The following ADAMTS20 variants were observed in gnomAD, a reference collection of about 807,000 sequenced individuals.
ADAMTS20 encodes ADAM metallopeptidase with thrombospondin type 1 motif 20, also known as A disintegrin and metalloproteinase with thrombospondin motifs 20.
A neutral mutation model predicts 260.1 loss-of-function variants in ADAMTS20; 225 were observed. The ratio of observed to expected loss-of-function variants is 0.87; its 90% CI spans 0.78 to 0.97. The LOEUF (loss-of-function observed/expected upper bound fraction) is 0.97. Among genes scored for constraint, ADAMTS20 ranks in the 50% least tolerant of loss-of-function variants. The pLI, the probability that ADAMTS20 is intolerant of heterozygous loss-of-function variation, is 0.00. For missense variants in ADAMTS20, 2,400 were observed against 2,337.7 expected (o/e 1.03, Z -0.55); for synonymous variants, 802 against 769.5 (o/e 1.04, Z -0.70).
Position 43,427,397 on chromosome 12 carries a change from T to G in ADAMTS20, c.4018A>C (p.Ser1340Arg). The change falls in exon 27 of 39, where the codon AGT (serine) becomes CGT (arginine). Residue 1340 changes from serine (S) to arginine (R), a missense_variant. Coordinates refer to ENST00000389420, the MANE Select transcript of ADAMTS20 (RefSeq NM_025003.5). ...GGCTTGGAGGCTGCATCGCAGTAAC[T>G]AGCACTTTGTCCATTTTCATCCTGG... ...VCQDENGQSASYCDAASKPPE... is the reference protein window; with the variant it reads ...VCQDENGQSARYCDAASKPPE... The G allele has an allele frequency of 1.2e-6, 2 of 1,613,972 alleles. No homozygotes were observed. Among genetic ancestry groups the G allele is most frequent in the Non-Finnish European group, 1.7e-6 (2 of 1,179,866 alleles).
chr12:43,452,921 A>T (rs972926603), intron 12 of ADAMTS20, among the ~76,000 whole-genome samples: 3 of 152,154 alleles, frequency 2.0e-5, no homozygotes, highest in Non-Finnish European at 4.4e-5. Flanking sequence ...ACGATACCTT[A>T]TTCTTGACTA....
intron 11 of ADAMTS20, among the ~76,000 whole-genome samples, 169 bp downstream of exon 11, chr12:43,462,726 A>C (rs1222042007): frequency 6.6e-6 from 1 of 152,246 alleles, no homozygotes; most frequent in Non-Finnish European, 1.5e-5. Context: ...GGTAAAATTA[A>C]AGATTTAATT....
rs529814997 is a variant in ADAMTS20 at position 43,463,662 on chromosome 12, T to C, written c.1510-663A>G. Among the ~76,000 whole-genome samples the C allele has an allele frequency of 3.9e-5, 6 of 152,324 alleles. No individual in the cohort carries two copies. In the South Asian group the frequency reaches 1.0e-3, roughly 26 times the overall value. ...TTCACAGTAAATGTTTAAAGGCTTA[T>C]TGAAATTTAAGGTTTTAGGAAGAAT... On this transcript the variant is annotated intron_variant, in intron 10 of 38. Transcript: ENST00000389420.
chr12:43,370,464 G>A (rs1940083109), intron 36 of ADAMTS20, among the ~76,000 whole-genome samples: 1 of 152,186 alleles, frequency 6.6e-6, no homozygotes, highest in African/African-American at 2.4e-5. Flanking sequence ...TGTGGCATTT[G>A]TGGATTATGC....
chr12:43,538,648 G>A (rs1044874468), intron 2 of ADAMTS20, among the ~76,000 whole-genome samples: 2 of 152,122 alleles, frequency 1.3e-5, no homozygotes, highest in Non-Finnish European at 2.9e-5. Context: ...TTAATAGTTT[G>A]AAGTAACATA....
Position 43,383,585 on chromosome 12 carries a change from GT to G in ADAMTS20, c.4769del (p.Tyr1590SerfsTer4). On this transcript the variant is annotated frameshift_variant, in exon 31 of 39. Coordinates refer to ENST00000389420, the MANE Select transcript of ADAMTS20 (RefSeq NM_025003.5). LOFTEE classifies it high-confidence loss of function. The stretch of plus-strand genomic sequence containing the variant: ...GTGATGAGTCTGCTGTTACCACAAT[GT>G]AATTGCAAGGAGGGTTCCTGCAATT... ...SKNCRNPPCN[Y>X]IVVTADSSQC... 6.2e-7 allele frequency: 1 copy of G among 1,613,102 alleles called. No individual in the cohort carries two copies. Among genetic ancestry groups the G allele is most frequent in the Non-Finnish European group, 8.5e-7 (1 of 1,179,446 alleles).
intron 7 of ADAMTS20, among the ~76,000 whole-genome samples, chr12:43,478,707 A>T (rs1942396959): frequency 6.6e-6 from 1 of 152,204 alleles, no homozygotes; most frequent in South Asian, 2.1e-4. Context: ...CAACACAATC[A>T]TATATTCAAG....
chr12:43,427,342 G>A lies in ADAMTS20; in HGVS notation c.4073C>T (p.Pro1358Leu). 6.2e-7 allele frequency: 1 copy of A among 1,613,730 alleles called. No homozygotes were observed. The highest frequency in any genetic ancestry group is 1.3e-5 in the African/African-American group (1 of 75,026). Residue 1358 changes from proline (P) to leucine (L), a missense_variant, in exon 27 of 39, where the codon CCT (proline) becomes CTT (leucine). Coordinates refer to ENST00000389420, the MANE Select transcript of ADAMTS20 (RefSeq NM_025003.5). ...PPELQQCGPG[P>L]CPQWNYGNWG... ...ATTTCCGTAGTTCCACTGTGGACAA[G>A]GCCCTGGACCACATTGCTGTAACTC...
At chr12:43,366,931 T>C (rs1297665352) in intron 37 of ADAMTS20, among the ~76,000 whole-genome samples, 2 of 151,964 alleles carry the variant, frequency 1.3e-5, no homozygotes, top group Non-Finnish European at 1.5e-5. Context: ...CTATGAACAA[T>C]GTGTGACAAC....
chr12:43,402,506 A>C (rs565056224), intron 28 of ADAMTS20, among the ~76,000 whole-genome samples: 1 of 152,192 alleles, frequency 6.6e-6, no homozygotes, highest in East Asian at 1.9e-4. Flanking sequence ...ATGGAATTCC[A>C]TCTGGGAATT....
chr12:43,380,805 A>T (rs1940333286), intron 31 of ADAMTS20, among the ~76,000 whole-genome samples: 1 of 152,184 alleles, frequency 6.6e-6, no homozygotes, highest in Non-Finnish European at 1.5e-5. Flanking sequence ...TAAGATAATA[A>T]TATCTACCAA....
chr12:43,443,145 A>G (rs1259278091), intron 16 of ADAMTS20, among the ~76,000 whole-genome samples: 1 of 152,158 alleles, frequency 6.6e-6, no homozygotes, highest in Non-Finnish European at 1.5e-5. Flanking sequence ...ATTATAGATA[A>G]CTCGCTATTA....
In ADAMTS20 at chr12:43,541,446, G is replaced by A. The variant is rs190404985; in HGVS notation, c.454-9251C>T. 6.9e-4 allele frequency among the ~76,000 whole-genome samples: 105 copies of A among 152,306 alleles called. 1 individual carries two copies. The highest frequency in any genetic ancestry group is 2.8e-3 in the Admixed American group (43 of 15,296). On this transcript the variant is annotated intron_variant, in intron 2 of 38. Coordinates refer to ENST00000389420, the MANE Select transcript of ADAMTS20 (RefSeq NM_025003.5). ...TTCAATAATTGTTTTGAAATTGAAT[G>A]TATTTTGAAGCAAGATGAAAAATTC...
intron 28 of ADAMTS20, among the ~76,000 whole-genome samples, chr12:43,401,514 T>C (rs1940809110): frequency 6.6e-6 from 1 of 151,848 alleles, no homozygotes; most frequent in Non-Finnish European, 1.5e-5. Context: ...CTCACACATG[T>C]AGTACACTGC....
intron 6 of ADAMTS20, 149 bp downstream of exon 6, chr12:43,492,356 G>C (rs1225621010): frequency 1.1e-6 from 1 of 933,720 alleles, no homozygotes; most frequent in Non-Finnish European, 1.5e-6. Flanking sequence ...CTCCACCCTG[G>C]GCGACAGAGC....
chr12:43,452,661 T>C lies in ADAMTS20; in HGVS notation c.1795A>G (p.Arg599Gly), dbSNP rs770720211. 6.2e-7 allele frequency: 1 copy of C among 1,611,136 alleles called. No individual in the cohort carries two copies. ...GTATTACATGATCGAAATTTCATCC[T>C]GCGGCCCACACAGTAATTTCCTCCG... ...RNGGNYCVGR[R>G]MKFRSCNTDS... Residue 599 changes from arginine (R) to glycine (G), a missense_variant, in exon 13 of 39, where the codon AGG (arginine) becomes GGG (glycine). Coordinates refer to ENST00000389420, the MANE Select transcript of ADAMTS20 (RefSeq NM_025003.5).
At chr12:43,426,308 T>A (rs1035056390) in intron 27 of ADAMTS20, among the ~76,000 whole-genome samples, 17 of 152,220 alleles carry the variant, frequency 1.1e-4, no homozygotes, top group African/African-American at 3.6e-4. Flanking sequence ...AATAAGTGCA[T>A]GTAAACTCAG....
intron 23 of ADAMTS20, 103 bp from the exon 24 acceptor site, chr12:43,429,827 C>T (rs1252689962): frequency 7.1e-6 from 5 of 701,314 alleles, no homozygotes; most frequent in Non-Finnish European, 1.1e-5. Flanking sequence ...CCGTTCCATA[C>T]TAAATTAGAA....
chr12:43,392,164 T>C (rs1490698859), intron 29 of ADAMTS20, among the ~76,000 whole-genome samples: 1 of 152,132 alleles, frequency 6.6e-6, no homozygotes, highest in Non-Finnish European at 1.5e-5. Context: ...TTAAATAGAC[T>C]AAAATGTCTG....
Sources: gnomAD v4.1 joint callset for allele counts (sites outside exome capture counted in the v4.1 genomes callset) on GRCh38, gnomAD v4.1.1 for gene constraint, MANE v1.5 for transcripts, NCBI Gene and HGNC (gene_info 2026-07-23, HGNC 2026-07-21) for gene names.